Variants in CERK observed in about 807,000 individuals in gnomAD.
CERK encodes the protein acylsphingosine kinase.
A neutral mutation model predicts 63.4 loss-of-function variants in CERK; 39 were observed. The observed-to-expected ratio is 0.61, with a 90% CI of 0.48 to 0.80. CERK has a LOEUF of 0.80. Among genes scored for constraint, CERK ranks in the 30% least tolerant of loss-of-function variants. CERK has a pLI of 0.00. For missense variants in CERK, 670 were observed against 714.1 expected (o/e 0.94, Z 0.70); for synonymous variants, 302 against 280.0 (o/e 1.08, Z -0.78).
chr22:46,695,066 G>A (rs1449039730), intron 9 of CERK, 144 bp downstream of exon 9: 13 of 586,762 alleles, frequency 2.2e-5, no homozygotes, highest in African/African-American at 2.1e-4. Context: ...AGGCCATCAT[G>A]GGCATCATAG....
intron 10 of CERK, among the ~76,000 whole-genome samples, chr22:46,692,044 G>C (rs2082734276): frequency 6.6e-6 from 1 of 152,230 alleles, no homozygotes; most frequent in African/African-American, 2.4e-5. Flanking sequence ...TTTAGAACAA[G>C]GGTCAGCAAA....
At chr22:46,700,520 G>T (rs146029358) in intron 7 of CERK, among the ~76,000 whole-genome samples, 57 of 152,366 alleles carry the variant, frequency 3.7e-4, no homozygotes, top group African/African-American at 1.4e-3. Context: ...GAGCCCAGGA[G>T]TTTGAGACAC....
At chr22:46,692,717 C>G (rs2082737590) in intron 10 of CERK, among the ~76,000 whole-genome samples, 1 of 151,758 alleles carries the variant, frequency 6.6e-6, no homozygotes, top group Non-Finnish European at 1.5e-5. Flanking sequence ...CCAGCCTGGC[C>G]AACATGGTGA....
At chr22:46,696,316 G>A (rs1409344284) in intron 8 of CERK, among the ~76,000 whole-genome samples, 5 of 152,202 alleles carry the variant, frequency 3.3e-5, no homozygotes, top group African/African-American at 4.8e-5. Flanking sequence ...CCAGGTGGCT[G>A]CAGCTCCGCC....
chr22:46,738,052 G>A lies in CERK; in HGVS notation c.97C>T (p.Arg33Cys). The change falls in exon 1 of 13, where the codon CGC becomes TGC. Residue 33 changes from arginine (R) to cysteine (C), a missense_variant. Coordinates refer to ENST00000216264, the MANE Select transcript of CERK (RefSeq NM_022766.6). The part of the protein sequence containing the change: ...VSLEPARALL[R>C]WWRSPGPGAG... ...CCGGGCCCCGGGCTCCGCCACCAGC[G>A]CAGCAGAGCCCGCGCGGGCTCCAGG... 8.1e-7 allele frequency: 1 copy of A among 1,238,626 alleles called. No homozygotes were observed. Among genetic ancestry groups the A allele is most frequent in the Non-Finnish European group, 1.0e-6 (1 of 988,932 alleles). 76.7% of individuals were successfully genotyped at this position (1,238,626 alleles called of 1,614,324 possible).
intron 6 of CERK, among the ~76,000 whole-genome samples, chr22:46,702,223 ATGTGTGTGTGTGTGTGTG>A (rs34222392): frequency 6.7e-4 from 57 of 84,782 alleles, no homozygotes; most frequent in African/African-American, 2.2e-3. Flanking sequence ...AAATATATAT[ATGTGTGTGTGTGTGTGTG>A]TGTGTGTGTG....
At position 46,695,198 on chromosome 22, in the gene CERK, C is replaced by A. The variant is rs1179339008; in HGVS notation, c.1049+12G>T. ...TCATTTGCAAGAGAAACACACAAAG[C>A]AATGCACTTACCCTGCCCGGCAGGG... On this transcript the variant is annotated intron_variant, in intron 9 of 12. Transcript: ENST00000216264. 1.5e-6 allele frequency: 2 copies of A among 1,321,504 alleles called. No homozygotes were observed. The highest frequency in any genetic ancestry group is 2.2e-6 in the Non-Finnish European group (2 of 923,996). 81.9% of individuals were successfully genotyped at this position (1,321,504 alleles called of 1,614,324 possible).
chr22:46,735,076 A>AACACACACACACAC (rs3083469), intron 1 of CERK: 2 of 149,518 alleles, frequency 1.3e-5, no homozygotes, highest in African/African-American at 4.9e-5. Flanking sequence ...CTCACCCCCC[A>AACACACACACACAC]ACACACACAC....
rs548146796 is a variant in CERK, at chr22:46,685,525, C to G, written c.*1609G>C. 4.6e-5 allele frequency: 7 copies of G among 151,014 alleles called. No homozygotes were observed. Among genetic ancestry groups the G allele is most frequent in the African/African-American group, 1.7e-4 (7 of 41,372 alleles). 9.4% of individuals were successfully genotyped at this position (151,014 alleles called of 1,614,324 possible). A position where few individuals can be genotyped will look rare whatever the true frequency, so the allele number is the denominator to read the frequency against. On this transcript the variant is annotated 3_prime_UTR_variant, in exon 13 of 13. Transcript: ENST00000216264. Reference sequence around the variant, plus strand: ...ACAGGTTGCTGGGCACAGGCAGGCACAGCCAGTCTGGAAGAGCAGCCCGTC... The same window carrying G: ...ACAGGTTGCTGGGCACAGGCAGGCAGAGCCAGTCTGGAAGAGCAGCCCGTC...
intron 1 of CERK, among the ~76,000 whole-genome samples, chr22:46,735,865 C>T (rs1237460972): frequency 1.3e-5 from 2 of 152,230 alleles, no homozygotes; most frequent in African/African-American, 4.8e-5. Context: ...CTTTTGGGGA[C>T]TGTAAAGCTA....
chr22:46,722,945 C>G (rs1390032581), intron 1 of CERK, among the ~76,000 whole-genome samples: 2 of 152,102 alleles, frequency 1.3e-5, no homozygotes, highest in African/African-American at 2.4e-5. Context: ...GGGGCAGGAG[C>G]TGGGGAGAGG....
At chr22:46,703,882 G>A (rs1235352309) in intron 6 of CERK, among the ~76,000 whole-genome samples, 1 of 145,222 alleles carries the variant, frequency 6.9e-6, no homozygotes, top group South Asian at 2.2e-4. Flanking sequence ...AGCCACACTG[G>A]CTTCCTTGTC....
At chr22:46,694,849 T>C (rs2082748183) in intron 9 of CERK, among the ~76,000 whole-genome samples, 1 of 152,170 alleles carries the variant, frequency 6.6e-6, no homozygotes, top group African/African-American at 2.4e-5. Context: ...TGATAAGGTG[T>C]CTGCCATCCT....
chr22:46,692,904 C>CAAAAAAAAAAA (rs34255348), intron 10 of CERK, among the ~76,000 whole-genome samples: 1 of 92,948 alleles, frequency 1.1e-5, no homozygotes, highest in African/African-American at 3.8e-5. Flanking sequence ...AAACTCCATC[C>CAAAAAAAAAAA]AAAAAAAAAA....
intron 8 of CERK, among the ~76,000 whole-genome samples, chr22:46,698,777 T>C (rs1171185380): frequency 6.6e-6 from 1 of 151,736 alleles, no homozygotes; most frequent in Non-Finnish European, 1.5e-5. Flanking sequence ...GGCATGTGCC[T>C]GTAGTCCCAG....
At chr22:46,693,587 T>C in intron 9 of CERK, 84 bp from the exon 10 acceptor site, 1 of 1,143,904 alleles carries the variant, frequency 8.7e-7, no homozygotes, top group South Asian at 1.3e-5. Flanking sequence ...TGTATTTACA[T>C]TCTTTTCACA....
intron 1 of CERK, among the ~76,000 whole-genome samples, chr22:46,725,991 A>C (rs1384445298): frequency 2.0e-5 from 3 of 152,262 alleles, no homozygotes; most frequent in African/African-American, 4.8e-5. Context: ...GCCTGCTGTC[A>C]ATCAGCTTTG....
At chr22:46,689,876 T>TA in intron 12 of CERK, 116 bp downstream of exon 12, 1 of 659,564 alleles carries the variant, frequency 1.5e-6, no homozygotes, top group Non-Finnish European at 2.5e-6. Context: ...AAAACATTCT[T>TA]ACGTTTTGTG....
intron 3 of CERK, among the ~76,000 whole-genome samples, chr22:46,713,526 AAAAC>A (rs1569325732): frequency 3.4e-4 from 50 of 148,072 alleles, no homozygotes; most frequent in African/African-American, 1.2e-3. Context: ...AAAAAAAAAA[AAAAC>A]AAACAAACAA....
Sources: gnomAD v4.1 joint callset for allele counts (sites outside exome capture counted in the v4.1 genomes callset) on GRCh38, gnomAD v4.1.1 for gene constraint, MANE v1.5 for transcripts, NCBI Gene and HGNC (gene_info 2026-07-23, HGNC 2026-07-21) for gene names.